Variants in ADAM10 observed in about 807,000 individuals in gnomAD.
ADAM10 encodes disintegrin and metalloproteinase domain-containing protein 10.
A neutral mutation model predicts 90.1 loss-of-function variants in ADAM10; 17 were observed. That is an observed-to-expected ratio of 0.19 (90% confidence interval 0.13 to 0.28). ADAM10 has a LOEUF of 0.28. ADAM10 is among the 10% of genes least tolerant of loss of function. The probability of loss-of-function intolerance (pLI) is 1.00; values close to 1 mark genes in which losing one functional copy is unlikely to be tolerated. For synonymous variants in ADAM10, 310 were observed against 298.6 expected, an observed-to-expected ratio of 1.04 and a Z score of -0.40; for missense variants, 610 against 914.3, an observed-to-expected ratio of 0.67 and a Z score of 4.29.
intron 5 of ADAM10, among the ~76,000 whole-genome samples, chr15:58,657,595 CTG>C (rs1407524667): frequency 9.2e-5 from 14 of 152,176 alleles, no homozygotes; most frequent in African/African-American, 3.4e-4. Context: ...AATTCCTTCT[CTG>C]TGTTATCATG....
At chr15:58,685,578 A>ATATATATATATG (rs1555417913) in intron 2 of ADAM10, among the ~76,000 whole-genome samples, 1 of 139,640 alleles carries the variant, frequency 7.2e-6, no homozygotes. Flanking sequence ...ATATATATAT[A>ATATATATATATG]TATATGTATA....
intron 11 of ADAM10, among the ~76,000 whole-genome samples, 187 bp downstream of exon 11, chr15:58,621,284 A>T (rs1176737674): frequency 6.7e-6 from 1 of 148,618 alleles, no homozygotes; most frequent in Admixed American, 6.7e-5. Context: ...AAAAAAAAAA[A>T]AAAAAAGTAG....
At chr15:58,714,356 G>A (rs377556163) in intron 2 of ADAM10, among the ~76,000 whole-genome samples, 1 of 150,366 alleles carries the variant, frequency 6.7e-6, no homozygotes, top group African/African-American at 2.5e-5. Flanking sequence ...AGAAATGTAA[G>A]TCACAACTGT....
intron 5 of ADAM10, among the ~76,000 whole-genome samples, chr15:58,655,665 CATACA>C (rs1896789780): frequency 8.3e-6 from 1 of 121,034 alleles, no homozygotes; most frequent in African/African-American, 3.2e-5. Context: ...TACATACATA[CATACA>C]TACATACATA....
intron 4 of ADAM10, among the ~76,000 whole-genome samples, chr15:58,670,431 A>G (rs1179977966): frequency 1.3e-5 from 2 of 152,164 alleles, no homozygotes; most frequent in African/African-American, 4.8e-5. Context: ...AGGGGAGAAA[A>G]TATGTGCAAG....
chr15:58,634,369 C>A (rs1566974730), intron 8 of ADAM10, among the ~76,000 whole-genome samples: 2 of 149,754 alleles, frequency 1.3e-5, no homozygotes, highest in African/African-American at 2.5e-5. Flanking sequence ...TTGAAATCTT[C>A]AAAAAAAAAT....
At chr15:58,649,885 C>G (rs1336798999) in intron 5 of ADAM10, among the ~76,000 whole-genome samples, 1 of 152,128 alleles carries the variant, frequency 6.6e-6, no homozygotes, top group South Asian at 2.1e-4. Context: ...CCATTTTCCT[C>G]CTTCTAGGAC....
chr15:58,658,696 C>G (rs1896892284), intron 5 of ADAM10, among the ~76,000 whole-genome samples: 1 of 152,286 alleles, frequency 6.6e-6, no homozygotes, highest in Non-Finnish European at 1.5e-5. Context: ...TTCATGTACA[C>G]ATCTTGCACA....
intron 6 of ADAM10, among the ~76,000 whole-genome samples, chr15:58,645,296 C>G (rs1896518278): frequency 6.6e-6 from 1 of 152,116 alleles, no homozygotes; most frequent in African/African-American, 2.4e-5. Context: ...AATCTCCTAC[C>G]TTATTACTAT....
chr15:58,688,786 A>ATATATATATATATATATATATATC, intron 2 of ADAM10, among the ~76,000 whole-genome samples: 42 of 122,324 alleles, frequency 3.4e-4, no homozygotes, highest in South Asian at 2.3e-3. Flanking sequence ...ATATATATAT[A>ATATATATATATATATATATATATC]TCTCTCTCTC....
intron 4 of ADAM10, among the ~76,000 whole-genome samples, chr15:58,673,852 A>AG (rs1897254061): frequency 6.6e-6 from 1 of 151,658 alleles, no homozygotes; most frequent in Non-Finnish European, 1.5e-5. Flanking sequence ...CTCCTGCCTC[A>AG]GCCTCTCGAG....
chr15:58,677,586 TGAGA>T (rs1406775571), intron 4 of ADAM10, among the ~76,000 whole-genome samples: 1 of 151,906 alleles, frequency 6.6e-6, no homozygotes, highest in Non-Finnish European at 1.5e-5. Flanking sequence ...AAGGAAAACA[TGAGA>T]GAGGCACAAT....
intron 9 of ADAM10, among the ~76,000 whole-genome samples, chr15:58,630,580 A>T (rs566711987): frequency 6.6e-6 from 1 of 152,334 alleles, no homozygotes; most frequent in South Asian, 2.1e-4. Context: ...ACCCTGAGAG[A>T]CAGGAACTTT....
Position 58,745,398 on chromosome 15 carries a change from C to G in ADAM10, c.55+4082G>C, listed in dbSNP as rs531002760. 4.1e-4 allele frequency among the ~76,000 whole-genome samples: 63 copies of G among 152,084 alleles called. 1 individual carries two copies. In the South Asian group the frequency reaches 4.8e-3, roughly 12 times the overall value. On this transcript the variant is annotated intron_variant, in intron 1 of 15. Coordinates refer to ENST00000260408, the MANE Select transcript of ADAM10 (RefSeq NM_001110.4). ...CCCTCAACTAATTTTTTCTGTGGTT[C>G]TCATCCCAGTAGAAAAAGAAATGGT...
intron 4 of ADAM10, chr15:58,672,931 A>G (rs1897232393): frequency 5.0e-6 from 1 of 201,186 alleles, no homozygotes; most frequent in African/African-American, 2.3e-5. Context: ...CATAATGAAT[A>G]AGTTGGTTCT....
intron 9 of ADAM10, among the ~76,000 whole-genome samples, chr15:58,632,968 T>C (rs377460525): frequency 2.6e-5 from 4 of 152,306 alleles, no homozygotes; most frequent in South Asian, 2.1e-4. Context: ...CCAGATGAAA[T>C]CCCTTGCCTT....
chr15:58,656,997 A>T (rs1896844326), intron 5 of ADAM10, among the ~76,000 whole-genome samples: 3 of 152,160 alleles, frequency 2.0e-5, no homozygotes, highest in Non-Finnish European at 2.9e-5. Flanking sequence ...TTCCTTCAGC[A>T]CTTTAAACAT....
intron 5 of ADAM10, among the ~76,000 whole-genome samples, chr15:58,660,743 T>A (rs540561019): frequency 6.6e-6 from 1 of 152,204 alleles, no homozygotes; most frequent in African/African-American, 2.4e-5. Context: ...TTAAATTATT[T>A]CCTCTTCTTT....
chr15:58,726,017 A>G (rs1410356005), intron 1 of ADAM10, among the ~76,000 whole-genome samples: 3 of 152,210 alleles, frequency 2.0e-5, no homozygotes. Flanking sequence ...ATAAGAAAAT[A>G]AAAAGGATTT....
Sources: gnomAD v4.1 joint callset for allele counts (sites outside exome capture counted in the v4.1 genomes callset) on GRCh38, gnomAD v4.1.1 for gene constraint, MANE v1.5 for transcripts, NCBI Gene and HGNC (gene_info 2026-07-23, HGNC 2026-07-21) for gene names.